CNTN5: variants seen among roughly 807,000 people sequenced by gnomAD.
CNTN5 encodes contactin 5.
CNTN5 carries 77 observed loss-of-function variants against 129.1 expected under a neutral mutation model. That is an observed-to-expected ratio of 0.60 (90% CI 0.50 to 0.72). The LOEUF is 0.72. CNTN5 is among the 30% of genes least tolerant of loss of function. The pLI is 0.00. For missense variants in CNTN5, 1,478 were observed against 1,328.8 expected (o/e 1.11, Z -1.75); for synonymous variants, 509 against 465.6 (o/e 1.09, Z -1.20).
intron 3 of CNTN5, among the ~76,000 whole-genome samples, chr11:99,637,706 CTATT>C (rs971731191): frequency 1.3e-4 from 20 of 151,844 alleles, no homozygotes; most frequent in Non-Finnish European, 2.1e-4. Context: ...AAATATATAA[CTATT>C]TATTTTACTT....
At chr11:99,381,922 C>G (rs1431778698) in intron 2 of CNTN5, among the ~76,000 whole-genome samples, 1 of 152,030 alleles carries the variant, frequency 6.6e-6, no homozygotes, top group African/African-American at 2.4e-5. Flanking sequence ...TGAAAGTGAT[C>G]CACCCATCTT....
At chr11:99,266,110 G>C (rs562846241) in intron 1 of CNTN5, among the ~76,000 whole-genome samples, 2 of 152,072 alleles carry the variant, frequency 1.3e-5, no homozygotes, top group Admixed American at 6.6e-5. Flanking sequence ...TGTTTGATCT[G>C]TTTCTGGATA....
At chr11:99,816,924 C>T (rs1467566470) in intron 3 of CNTN5, among the ~76,000 whole-genome samples, 1 of 152,094 alleles carries the variant, frequency 6.6e-6, no homozygotes. Context: ...CTTTCTTTCC[C>T]TACTGAAGAC....
At chr11:99,984,015 C>G (rs1308436786) in intron 8 of CNTN5, among the ~76,000 whole-genome samples, 1 of 152,110 alleles carries the variant, frequency 6.6e-6, no homozygotes, top group Non-Finnish European at 1.5e-5. Flanking sequence ...CACCTGTTAC[C>G]CCAGCACTTT....
At chr11:99,988,425 C>T (rs1938833057) in intron 8 of CNTN5, among the ~76,000 whole-genome samples, 1 of 151,112 alleles carries the variant, frequency 6.6e-6, no homozygotes, top group South Asian at 2.1e-4. Flanking sequence ...AGATTGGTAG[C>T]CAGCTATGAG....
At position 99,258,695 on chromosome 11, in the gene CNTN5, T is replaced by C. The variant is rs1862490906; in HGVS notation, c.-209-66651T>C. 2.6e-5 allele frequency among the ~76,000 whole-genome samples: 4 copies of C among 152,008 alleles called. No individual in the cohort carries two copies. In the South Asian group the frequency reaches 8.3e-4, roughly 31 times the overall value. On this transcript the variant is annotated intron_variant, in intron 1 of 24. Coordinates refer to ENST00000524871, the MANE Select transcript of CNTN5 (RefSeq NM_014361.4). Reference sequence around the variant, plus strand: ...TATTTCAAATATGTCAAATTATACGTTGTATCTAGGTTTTTTCTTATTTAT... The same window carrying C: ...TATTTCAAATATGTCAAATTATACGCTGTATCTAGGTTTTTTCTTATTTAT...
At chr11:99,085,230 A>AGACG (rs1469554003) in intron 1 of CNTN5, among the ~76,000 whole-genome samples, 1 of 148,600 alleles carries the variant, frequency 6.7e-6, no homozygotes, top group African/African-American at 2.5e-5. Context: ...TTTTTAGTAG[A>AGACG]GACGGGGTTT....
At chr11:99,695,699 A>G (rs1466585912) in intron 3 of CNTN5, among the ~76,000 whole-genome samples, 1 of 152,056 alleles carries the variant, frequency 6.6e-6, no homozygotes, top group African/African-American at 2.4e-5. Flanking sequence ...GTAGGAACAT[A>G]GACTCCATCT....
chr11:99,223,956 T>C (rs1860541713), intron 1 of CNTN5, among the ~76,000 whole-genome samples: 1 of 152,178 alleles, frequency 6.6e-6, no homozygotes, highest in African/African-American at 2.4e-5. Context: ...TACTCATTCC[T>C]TGTGGTCCAT....
chr11:99,140,475 A>ATTTTATTTTT (rs1859458453), intron 1 of CNTN5, among the ~76,000 whole-genome samples: 2 of 151,586 alleles, frequency 1.3e-5, no homozygotes, highest in Non-Finnish European at 1.5e-5. Context: ...ATTTTATTTT[A>ATTTTATTTTT]TTTTATTTTT....
chr11:99,397,836 C>T (rs1360843897), intron 2 of CNTN5, among the ~76,000 whole-genome samples: 2 of 151,714 alleles, frequency 1.3e-5, no homozygotes, highest in Non-Finnish European at 2.9e-5. Context: ...TATTAGAAAC[C>T]TAGATCTGGG....
chr11:99,147,304 A>G (rs1284896736), intron 1 of CNTN5, among the ~76,000 whole-genome samples: 2 of 152,168 alleles, frequency 1.3e-5, no homozygotes, highest in African/African-American at 2.4e-5. Flanking sequence ...AAGCAAAGAC[A>G]GCTGAAGCAA....
intron 6 of CNTN5, among the ~76,000 whole-genome samples, chr11:99,891,836 G>A (rs1018900391): frequency 3.3e-5 from 5 of 152,092 alleles, no homozygotes; most frequent in Non-Finnish European, 7.3e-5. Context: ...AATCCTCTGG[G>A]TATATACCCA....
chr11:99,090,572 T>C (rs1866198161), intron 1 of CNTN5, among the ~76,000 whole-genome samples: 1 of 151,926 alleles, frequency 6.6e-6, no homozygotes, highest in Non-Finnish European at 1.5e-5. Flanking sequence ...CCCTTATACC[T>C]GTGCAAGTTG....
At chr11:99,511,955 A>G (rs966718768) in intron 2 of CNTN5, among the ~76,000 whole-genome samples, 1 of 152,132 alleles carries the variant, frequency 6.6e-6, no homozygotes, top group Non-Finnish European at 1.5e-5. Flanking sequence ...AAGTTTACAA[A>G]ATTAAGTTTA....
chr11:99,519,539 A>G (rs1947191482), intron 2 of CNTN5, among the ~76,000 whole-genome samples: 1 of 152,102 alleles, frequency 6.6e-6, no homozygotes. Context: ...ATTCACCAAA[A>G]TGTTAGATAA....
intron 2 of CNTN5, among the ~76,000 whole-genome samples, chr11:99,424,847 G>A (rs1263866389): frequency 6.6e-6 from 1 of 152,220 alleles, no homozygotes; most frequent in Non-Finnish European, 1.5e-5. Context: ...CTTGTTCTAT[G>A]TCCAGGAAGA....
At chr11:99,111,634 A>G (rs1857800887) in intron 1 of CNTN5, among the ~76,000 whole-genome samples, 1 of 151,924 alleles carries the variant, frequency 6.6e-6, no homozygotes, top group Admixed American at 6.6e-5. Context: ...ATCTTGGGAT[A>G]TATTTAAACA....
intron 11 of CNTN5, 146 bp downstream of exon 11, chr11:100,070,706 C>T (rs1390028259): frequency 1.8e-5 from 11 of 600,544 alleles, no homozygotes; most frequent in Middle Eastern, 3.4e-4. Context: ...ATGAATGTTA[C>T]GGGGATTAAC....
Sources: allele counts gnomAD v4.1 joint callset (sites outside exome capture counted in the v4.1 genomes callset), GRCh38; gene constraint gnomAD v4.1.1; transcripts MANE v1.5; gene names NCBI Gene and HGNC (gene_info 2026-07-23, HGNC 2026-07-21).